Variants in UNC80 observed in about 807,000 individuals in gnomAD.
UNC80 encodes the protein unc-80 subunit of NALCN channel complex.
A neutral mutation model predicts 384.6 loss-of-function variants in UNC80; 164 were observed. The ratio of observed to expected loss-of-function variants is 0.43; its 90% CI spans 0.38 to 0.49. The LOEUF is 0.49. Ranked by LOEUF, UNC80 falls within the 20% of genes least tolerant of loss-of-function variation. The probability of loss-of-function intolerance (pLI) is 0.00; values close to 1 mark genes in which losing one functional copy is unlikely to be tolerated. For synonymous variants in UNC80, 1,486 were observed against 1,527.8 expected, an observed-to-expected ratio of 0.97 and a Z score of 0.64; for missense variants, 3,330 against 4,143.0, an observed-to-expected ratio of 0.80 and a Z score of 5.39.
intron 22 of UNC80, among the ~76,000 whole-genome samples, chr2:209,871,936 A>G (rs998158113): frequency 4.6e-5 from 7 of 151,396 alleles, no homozygotes; most frequent in Admixed American, 4.6e-4. Flanking sequence ...AACCATGCCT[A>G]TTTAAGTATA....
At chr2:209,855,249 A>C (rs2082818572) in intron 22 of UNC80, among the ~76,000 whole-genome samples, 1 of 152,140 alleles carries the variant, frequency 6.6e-6, no homozygotes, top group South Asian at 2.1e-4. Context: ...GAACAATGAG[A>C]ACACATGGAC....
intron 51 of UNC80, among the ~76,000 whole-genome samples, chr2:209,966,245 A>G (rs931498428): frequency 6.6e-6 from 1 of 152,226 alleles, no homozygotes; most frequent in Non-Finnish European, 1.5e-5. Flanking sequence ...AATTTTCACT[A>G]TCTTGACAAA....
Position 209,872,752 on chromosome 2 carries a change from A to G in UNC80, c.3628-6A>G, listed in dbSNP as rs892284796. 1.3e-6 allele frequency: 2 copies of G among 1,550,732 alleles called. No individual in the cohort carries two copies. Among genetic ancestry groups the G allele is most frequent in the South Asian group, 1.2e-5 (1 of 84,028 alleles). Reference sequence around the variant, plus strand: ...ACATTATTCTTTCCTAAACAACCCTACACAGGAAGCCCCTGTGGTGGCCAG... The same window carrying G: ...ACATTATTCTTTCCTAAACAACCCTGCACAGGAAGCCCCTGTGGTGGCCAG... On this transcript the variant is annotated splice_polypyrimidine_tract_variant and splice_region_variant and intron_variant, in intron 22 of 64. Coordinates refer to ENST00000673920, the MANE Select transcript of UNC80 (RefSeq NM_001371986.1). The surrounding 1 kb of genome is among the most constrained non-coding windows in gnomAD (Gnocchi z 4.1).
rs2088025823 is a variant in UNC80, at chr2:209,905,113, A to G, written c.4782+148A>G. 6.2e-6 allele frequency: 5 copies of G among 812,030 alleles called. No homozygotes were observed. In the Admixed American group the frequency reaches 1.3e-4, roughly 21 times the overall value. 50.3% of individuals were successfully genotyped at this position (812,030 alleles called of 1,614,324 possible). A position where few individuals can be genotyped will look rare whatever the true frequency, so the allele number is the denominator to read the frequency against. ...AACATAAGCAGAAGAGATGTACAAG[A>G]AAGACAAATGTTTTGTCTTTCTTGT... On this transcript the variant is annotated intron_variant, in intron 29 of 64. Coordinates refer to ENST00000673920, the MANE Select transcript of UNC80 (RefSeq NM_001371986.1).
At chr2:209,898,094 G>A (rs564428983) in intron 28 of UNC80, among the ~76,000 whole-genome samples, 1 of 151,902 alleles carries the variant, frequency 6.6e-6, no homozygotes, top group East Asian at 1.9e-4. Flanking sequence ...TGATATTGGT[G>A]GATTGTCTTC....
chr2:209,946,087 G>A (rs2091901215), intron 47 of UNC80, 144 bp downstream of exon 47: 2 of 658,980 alleles, frequency 3.0e-6, no homozygotes, highest in African/African-American at 1.8e-5. Context: ...TAGGCCAGGT[G>A]TGGTGGCTCA....
intron 18 of UNC80, among the ~76,000 whole-genome samples, chr2:209,835,997 A>C (rs904523914): frequency 6.6e-6 from 1 of 152,212 alleles, no homozygotes; most frequent in Non-Finnish European, 1.5e-5. Context: ...GATCAATTCC[A>C]TGGGCTCAGG....
In UNC80 at chr2:209,922,904, G is replaced by A. The variant is rs369840346; in HGVS notation, c.5662+521G>A. The stretch of plus-strand genomic sequence containing the variant: ...CTTCCCTAATGACAAATGGTATGGA[G>A]CATCTTTTCATATGCTTATTGACCA... On this transcript the variant is annotated intron_variant, in intron 35 of 64. Transcript: ENST00000673920. Among the ~76,000 whole-genome samples the A allele has an allele frequency of 1.6e-4, 25 of 152,226 alleles. No individual in the cohort carries two copies. The East Asian group carries it at 4.6e-3, about 28-fold the overall frequency.
chr2:209,784,593 C>T (rs1485939145), intron 4 of UNC80, among the ~76,000 whole-genome samples: 3 of 152,166 alleles, frequency 2.0e-5, no homozygotes, highest in African/African-American at 4.8e-5. Context: ...CATGACAGCT[C>T]CTTCATTTTG....
chr2:209,879,989 G>C (rs956344834), intron 24 of UNC80, among the ~76,000 whole-genome samples: 12 of 152,160 alleles, frequency 7.9e-5, no homozygotes, highest in Admixed American at 7.9e-4. Context: ...ACATTTTAGA[G>C]ATATTTTTAG....
At chr2:209,958,648 C>T (rs73984313) in intron 49 of UNC80, among the ~76,000 whole-genome samples, 1 of 152,152 alleles carries the variant, frequency 6.6e-6, no homozygotes, top group Non-Finnish European at 1.5e-5. Flanking sequence ...CTTCTCTAGG[C>T]TCACTGGATT....
chr2:209,924,032 C>T (rs2090245825), intron 35 of UNC80, among the ~76,000 whole-genome samples: 1 of 151,822 alleles, frequency 6.6e-6, no homozygotes, highest in South Asian at 2.1e-4. Context: ...TTTTATATAA[C>T]ATAACATTAT....
chr2:209,955,503 T>C (rs7593770), intron 48 of UNC80, among the ~76,000 whole-genome samples: 10,190 of 149,474 alleles, frequency 0.068, 784 homozygotes, highest in African/African-American at 0.18. Context: ...TGACAAATTA[T>C]CTCTTCCAAG....
intron 16 of UNC80, among the ~76,000 whole-genome samples, chr2:209,831,938 T>G (rs564406840): frequency 3.9e-5 from 6 of 152,352 alleles, no homozygotes; most frequent in Admixed American, 3.3e-4. Context: ...ATCCCAAGTA[T>G]TATTTGAAGC....
At chr2:209,887,800 G>A (rs1298409698) in intron 25 of UNC80, among the ~76,000 whole-genome samples, 1 of 152,136 alleles carries the variant, frequency 6.6e-6, no homozygotes, top group East Asian at 1.9e-4. Flanking sequence ...CCAAAACTGT[G>A]GACAAAGAGT....
chr2:209,975,264 T>A (rs1328699080), intron 56 of UNC80, among the ~76,000 whole-genome samples: 3 of 152,196 alleles, frequency 2.0e-5, no homozygotes, highest in Non-Finnish European at 4.4e-5. Context: ...AAGACCCAGG[T>A]CACTTGACTG....
intron 45 of UNC80, among the ~76,000 whole-genome samples, 175 bp downstream of exon 45, chr2:209,943,689 AG>A (rs1332806362): frequency 6.6e-6 from 1 of 152,232 alleles, no homozygotes; most frequent in Non-Finnish European, 1.5e-5. Context: ...GAGAAGCTTC[AG>A]GTATGTCCTG....
At chr2:209,971,385 T>C (rs1415249252) in intron 54 of UNC80, among the ~76,000 whole-genome samples, 1 of 151,754 alleles carries the variant, frequency 6.6e-6, no homozygotes, top group African/African-American at 2.4e-5. Flanking sequence ...TGATTGTGGG[T>C]TGAATATTAT....
Position 209,973,098 on chromosome 2 carries a change from G to T in UNC80, c.8415G>T (p.Leu2805=), listed in dbSNP as rs1345252223. 6.4e-7 allele frequency: 1 copy of T among 1,551,600 alleles called. No individual in the cohort carries two copies. Among genetic ancestry groups the T allele is most frequent in the Admixed American group, 2.0e-5 (1 of 51,002 alleles). The change falls in exon 56 of 65, where the codon CTG becomes CTT. Residue 2805 remains leucine, a synonymous_variant. Transcript: ENST00000673920. ...SPWLEQPEVQ[L]LLQTVINVLL... is the part of the protein sequence containing the mutation. ...GGCTGGAGCAGCCTGAGGTGCAGCT[G>T]CTGCTGCAGACAGTCATCAATGTAC...
Sources: allele counts gnomAD v4.1 joint callset (sites outside exome capture counted in the v4.1 genomes callset), GRCh38; gene constraint gnomAD v4.1.1; non-coding constraint Gnocchi (gnomAD v3.1); transcripts MANE v1.5; gene names NCBI Gene and HGNC (gene_info 2026-07-23, HGNC 2026-07-21).